Variants in CTSC observed in about 807,000 individuals in gnomAD.
CTSC encodes the protein dipeptidyl peptidase 1.
A neutral mutation model predicts 40.9 loss-of-function variants in CTSC; 37 were observed. That is an observed-to-expected ratio of 0.91 (90% CI 0.70 to 1.19). The LOEUF is 1.19. CTSC is among the 50% of genes most tolerant of loss of function. The pLI, the probability that CTSC is intolerant of heterozygous loss-of-function variation, is 0.00. For synonymous variants in CTSC, 232 were observed against 207.4 expected, an observed-to-expected ratio of 1.12 and a Z score of -1.02; for missense variants, 594 against 567.3, an observed-to-expected ratio of 1.05 and a Z score of -0.48.
intron 2 of CTSC, among the ~76,000 whole-genome samples, chr11:88,319,148 A>G (rs576927160): frequency 2.2e-4 from 34 of 152,308 alleles, no homozygotes; most frequent in African/African-American, 8.2e-4. Context: ...TCATAAAATG[A>G]ACAAGTAGTT....
chr11:88,314,431 G>A (rs1937831721), intron 2 of CTSC, among the ~76,000 whole-genome samples: 1 of 152,188 alleles, frequency 6.6e-6, no homozygotes, highest in Non-Finnish European at 1.5e-5. Context: ...AACTGGACTT[G>A]AATTGTGGGA....
At chr11:88,302,625 CAAAAAAAAAAAAAAAAA>C (rs139973958) in intron 4 of CTSC, among the ~76,000 whole-genome samples, 1 of 80,052 alleles carries the variant, frequency 1.2e-5, no homozygotes, top group Admixed American at 1.6e-4. Flanking sequence ...GACTCCGCCT[CAAAAAAAAAAAAAAAAA>C]AAAAAAAAAG....
At chr11:88,307,556 C>CT (rs5793311) in intron 4 of CTSC, among the ~76,000 whole-genome samples, 11,278 of 73,492 alleles carry the variant, frequency 0.15, 801 homozygotes, top group East Asian at 0.25. Flanking sequence ...ATACTGATAA[C>CT]TTTTTTTTTT....
At chr11:88,324,790 T>C (rs897736087) in intron 2 of CTSC, 2 of 985,228 alleles carry the variant, frequency 2.0e-6, no homozygotes, top group African/African-American at 1.7e-5. Context: ...GAGAGCAGCG[T>C]CATCAAGGTC....
At chr11:88,326,311 G>A in intron 2 of CTSC, 1 of 1,612,982 alleles carries the variant, frequency 6.2e-7, no homozygotes, top group Non-Finnish European at 8.5e-7. Context: ...AGAAGGGACT[G>A]TAGCTGCTAG....
intron 3 of CTSC, among the ~76,000 whole-genome samples, chr11:88,311,805 G>A (rs1937763441): frequency 6.6e-6 from 1 of 152,198 alleles, no homozygotes; most frequent in Non-Finnish European, 1.5e-5. Flanking sequence ...TAGGAGCCCA[G>A]TAAGCAAGCA....
chr11:88,315,623 C>T (rs1176457992), intron 2 of CTSC, among the ~76,000 whole-genome samples: 1 of 152,118 alleles, frequency 6.6e-6, no homozygotes, highest in African/African-American at 2.4e-5. Flanking sequence ...GTACAGATTA[C>T]TCATAAATCT....
At chr11:88,325,409 C>T (rs1938153684) in intron 2 of CTSC, 1 of 985,220 alleles carries the variant, frequency 1.0e-6, no homozygotes, top group Non-Finnish European at 1.2e-6. Flanking sequence ...CAACATTAAA[C>T]TAATATTCAT....
intron 2 of CTSC, among the ~76,000 whole-genome samples, chr11:88,319,285 C>T (rs1937945689): frequency 6.6e-6 from 1 of 152,096 alleles, no homozygotes; most frequent in Non-Finnish European, 1.5e-5. Flanking sequence ...TTTTTAAAAA[C>T]AGATGTTTTG....
rs745403174 is a variant in CTSC at position 88,309,267 on chromosome 11, AT to A, written c.536del (p.Asn179MetfsTer23). On this transcript the variant is annotated frameshift_variant, in exon 4 of 7. Coordinates refer to ENST00000227266, the MANE Select transcript of CTSC (RefSeq NM_001814.6). LOFTEE classifies it high-confidence loss of function. ...TTGCAGTCCAAGACTTCTGAATGGC[AT>A]TGATAGCTTTCACAAAGTTGTGATC... is the stretch of plus-strand genomic sequence containing the variant. ...KYDHNFVKAI[N>X]AIQKSWTATT... The A allele has an allele frequency of 6.2e-7, 1 of 1,613,860 alleles. No individual in the cohort carries two copies. The highest frequency in any genetic ancestry group is 8.5e-7 in the Non-Finnish European group (1 of 1,179,748).
chr11:88,320,740 G>T, intron 2 of CTSC: 1 of 874,670 alleles, frequency 1.1e-6, no homozygotes, highest in Non-Finnish European at 1.4e-6. Context: ...ATGGCCTGAG[G>T]GCCCACCATA....
At chr11:88,334,591 T>C (rs1215544329) in intron 2 of CTSC, 1 of 265,876 alleles carries the variant, frequency 3.8e-6, no homozygotes, top group East Asian at 1.1e-4. Flanking sequence ...TCTCTCTATC[T>C]TTCCTACAGA....
Position 88,294,253 on chromosome 11 carries a change from T to C in CTSC, c.1145A>G (p.His382Arg), listed in dbSNP as rs1944273807. 1 of 1,613,930 alleles carries C rather than the reference T, an allele frequency of 6.2e-7. No individual in the cohort carries two copies. Among genetic ancestry groups the C allele is most frequent in the African/African-American group, 1.3e-5 (1 of 74,888 alleles). The change falls in exon 7 of 7, where the codon CAC (histidine) becomes CGC (arginine). Residue 382 changes from histidine to arginine, a missense_variant. By Grantham distance (29) the His-to-Arg change is conservative. Coordinates refer to ENST00000227266, the MANE Select transcript of CTSC (RefSeq NM_001814.6). The stretch of plus-strand genomic sequence containing the variant: ...GTGGTGGTAGATCCCCTTTTTGTAG[T>C]GGAGGAAGTCATCATATACTTCAAA... Reference protein sequence around the residue: ...VAFEVYDDFLHYKKGIYHHTG... With the variant: ...VAFEVYDDFLRYKKGIYHHTG...
intron 6 of CTSC, 34 bp from the exon 7 acceptor site, chr11:88,294,542 G>C (rs773300208): frequency 6.2e-7 from 1 of 1,611,892 alleles, no homozygotes; most frequent in East Asian, 2.2e-5. Context: ...TTACCCCTTA[G>C]TAGAAAAAGG....
At chr11:88,312,705 G>T in intron 2 of CTSC, 151 bp from the exon 3 acceptor site, 5 of 887,464 alleles carry the variant, frequency 5.6e-6, no homozygotes, top group Non-Finnish European at 8.6e-6. Flanking sequence ...TCTAGAAAAA[G>T]AAGACATACA....
At chr11:88,320,001 T>C (rs1039762546) in intron 2 of CTSC, among the ~76,000 whole-genome samples, 1 of 152,208 alleles carries the variant, frequency 6.6e-6, no homozygotes, top group African/African-American at 2.4e-5. Context: ...ACCAGGCAAA[T>C]TTTACTGAAT....
At chr11:88,295,339 T>G (rs954918355) in intron 6 of CTSC, among the ~76,000 whole-genome samples, 2 of 152,110 alleles carry the variant, frequency 1.3e-5, no homozygotes, top group Non-Finnish European at 2.9e-5. Context: ...AGCTGTGTTT[T>G]CGACATACAT....
rs567987111 is a variant in CTSC at position 88,293,967 on chromosome 11, A to C, written c.*39T>G. ...TGTGAATATACCAATTCCCCTTTAC[A>C]ACTGATGCAGATCATTATGAAATAC... On this transcript the variant is annotated 3_prime_UTR_variant, in exon 7 of 7. Coordinates refer to ENST00000227266, the MANE Select transcript of CTSC (RefSeq NM_001814.6). 22 of 1,609,738 alleles carry C rather than the reference A, an allele frequency of 1.4e-5. No homozygotes were observed. The East Asian group carries it at 4.7e-4, about 34-fold the overall frequency.
intron 2 of CTSC, among the ~76,000 whole-genome samples, chr11:88,326,887 G>A (rs1446554131): frequency 6.6e-6 from 1 of 152,146 alleles, no homozygotes; most frequent in Non-Finnish European, 1.5e-5. Flanking sequence ...TACTGGTGGA[G>A]CGGTCTCCCT....
Sources: allele counts gnomAD v4.1 joint callset (sites outside exome capture counted in the v4.1 genomes callset), GRCh38; gene constraint gnomAD v4.1.1; transcripts MANE v1.5; gene names NCBI Gene and HGNC (gene_info 2026-07-23, HGNC 2026-07-21).